Variants in PIN4 observed in about 807,000 individuals in gnomAD.
PIN4 encodes the protein peptidylprolyl cis/trans isomerase, NIMA-interacting 4, also known as peptidyl-prolyl cis-trans isomerase NIMA-interacting 4.
Under a neutral mutation model 8.3 loss-of-function variants are expected in PIN4, and 3 were observed. The observed-to-expected ratio is 0.36, with a 90% CI of 0.16 to 0.93. The LOEUF (loss-of-function observed/expected upper bound fraction) is 0.93, where lower values mean the gene tolerates loss of function less well. Among genes scored for constraint, PIN4 ranks in the 40% least tolerant of loss-of-function variants. The pLI is 0.44. For missense variants in PIN4, 75 were observed against 100.6 expected (o/e 0.75, Z 1.09); for synonymous variants, 18 against 32.5 (o/e 0.55, Z 1.52).
At chrX:72,236,203 C>T (rs780500363) in intron 3 of PIN4, among the ~76,000 whole-genome samples, 47 of 112,298 alleles carry the variant, frequency 4.2e-4, no homozygotes, top group African/African-American at 1.5e-3. Context: ...CCTGTAATCC[C>T]AGTGCTTTGG....
chrX:72,237,514 C>A lies in PIN4; in HGVS notation c.313-25193C>A, dbSNP rs1213351586. Among the ~76,000 whole-genome samples, 3 of 109,848 alleles carry A rather than the reference C, an allele frequency of 2.7e-5. No individual in the cohort carries two copies. The East Asian group carries it at 8.6e-4, about 31-fold the overall frequency. ...TCGGGAGGCTGAGGCAGGAGAATGG[C>A]GTGAACCCGGAAGGCGGAGCTTGCT... On this transcript the variant is annotated intron_variant, in intron 3 of 3. Transcript: ENST00000423432.
At chrX:72,263,226 A>G (rs2043146374) in exon 4 of PIN4, 1 of 114,266 alleles carries the variant, frequency 8.8e-6, no homozygotes, top group Admixed American at 9.2e-5. Flanking sequence ...ACCTTCCCAG[A>G]GGTTTCCCAG....
intron 3 of PIN4, among the ~76,000 whole-genome samples, chrX:72,219,574 G>T (rs1464501261): frequency 9.2e-6 from 1 of 108,696 alleles, no homozygotes; most frequent in Non-Finnish European, 1.9e-5. Context: ...TAGACTAGGC[G>T]TGATAGCTCA....
Position 72,198,189 on chromosome X carries a change from A to G in PIN4, c.*663A>G. ...AATGTCATTCCCTCATCTTCAGTGT[A>G]TGGGTTACATTAAGACTGTCCTTTC... On this transcript the variant is annotated 3_prime_UTR_variant, in exon 4 of 4. Coordinates refer to ENST00000373669, the MANE Select transcript of PIN4 (RefSeq NM_006223.4). 1 of 748,684 alleles carries G rather than the reference A, an allele frequency of 1.3e-6. No homozygotes were observed. Among genetic ancestry groups the G allele is most frequent in the Non-Finnish European group, 1.6e-6 (1 of 634,007 alleles). The allele number at this position is 748,684 out of a possible 1,213,427, so 61.7% of individuals were successfully genotyped here.
chrX:72,195,753 A>G (rs2042761582), intron 2 of PIN4, among the ~76,000 whole-genome samples: 1 of 111,901 alleles, frequency 8.9e-6, no homozygotes, highest in African/African-American at 3.3e-5. Context: ...TCACAATCCT[A>G]TGAGAACACA....
At chrX:72,256,516 G>A (rs2043111521) in intron 3 of PIN4, among the ~76,000 whole-genome samples, 1 of 111,199 alleles carries the variant, frequency 9.0e-6, no homozygotes, top group South Asian at 3.9e-4. Flanking sequence ...AAGCCTGAGG[G>A]CACCCTGCTT....
At chrX:72,219,984 G>A (rs1021457746) in intron 3 of PIN4, among the ~76,000 whole-genome samples, 2 of 111,558 alleles carry the variant, frequency 1.8e-5, no homozygotes, top group Non-Finnish European at 3.8e-5. Context: ...TAAGTACAAT[G>A]TTAGCTATGG....
chrX:72,253,778 A>C (rs971190522), intron 3 of PIN4, among the ~76,000 whole-genome samples: 11 of 109,462 alleles, frequency 1.0e-4, no homozygotes, highest in Admixed American at 9.8e-4. Context: ...CTACAAAAAA[A>C]AAAACAAAAG....
At chrX:72,247,775 C>T (rs1463190937) in intron 3 of PIN4, among the ~76,000 whole-genome samples, 6 of 112,495 alleles carry the variant, frequency 5.3e-5, no homozygotes, top group African/African-American at 1.9e-4. Context: ...GCCATCTGCT[C>T]AGAGCTTAAA....
At chrX:72,191,456 C>T (rs1013106700) in intron 2 of PIN4, among the ~76,000 whole-genome samples, 9 of 111,269 alleles carry the variant, frequency 8.1e-5, no homozygotes, top group African/African-American at 3.0e-4. Flanking sequence ...GAGGCTGAGG[C>T]AGGAGAATCA....
At chrX:72,213,508 T>G (rs1395084785) in intron 3 of PIN4, among the ~76,000 whole-genome samples, 1 of 111,983 alleles carries the variant, frequency 8.9e-6, no homozygotes, top group Non-Finnish European at 1.9e-5. Context: ...TGGTCTGTGT[T>G]TGTTACGGCT....
At chrX:72,204,599 A>G in intron 3 of PIN4, 1 of 116,736 alleles carries the variant, frequency 8.6e-6, no homozygotes, top group Non-Finnish European at 1.8e-5. Context: ...ATGAAACAGC[A>G]TGTTCACAAG....
chrX:72,189,560 A>G (rs886587086), intron 2 of PIN4, among the ~76,000 whole-genome samples: 2 of 112,130 alleles, frequency 1.8e-5, no homozygotes, highest in African/African-American at 6.5e-5. Context: ...ATTGCTAAAT[A>G]GTACCAGTTG....
Position 72,197,729 on chromosome X carries a change from G to T in PIN4, c.*203G>T, listed in dbSNP as rs887097938. The T allele has an allele frequency of 3.1e-6, 3 of 959,583 alleles. No homozygotes were observed. The African/African-American group carries it at 5.9e-5, about 19-fold the overall frequency. 79.1% of individuals were successfully genotyped at this position (959,583 alleles called of 1,213,427 possible). A position where few individuals can be genotyped will look rare whatever the true frequency, so the allele number is the denominator to read the frequency against. The stretch of plus-strand genomic sequence containing the variant: ...GCTAAGTGAATGTCAACTGTAGTAG[G>T]TATTCAGTCAGTCTTTCTCAAAGAG... On this transcript the variant is annotated 3_prime_UTR_variant, in exon 4 of 4. Coordinates refer to ENST00000373669, the MANE Select transcript of PIN4 (RefSeq NM_006223.4).
At chrX:72,225,109 T>A (rs925914003) in intron 3 of PIN4, among the ~76,000 whole-genome samples, 6 of 111,963 alleles carry the variant, frequency 5.4e-5, no homozygotes, top group African/African-American at 1.6e-4. Context: ...TACACCCTCC[T>A]ATTGCAAATT....
At chrX:72,263,642 C>A (rs987038681) in exon 4 of PIN4, 1 of 112,002 alleles carries the variant, frequency 8.9e-6, no homozygotes, top group East Asian at 2.8e-4. Context: ...TTGAAGAGAA[C>A]GTGACACACG....
intron 3 of PIN4, among the ~76,000 whole-genome samples, chrX:72,228,127 C>T (rs1417564303): frequency 4.5e-5 from 5 of 112,239 alleles, no homozygotes; most frequent in Admixed American, 2.9e-4. Context: ...TGTGAGGTCC[C>T]GTTCCAGCCA....
intron 2 of PIN4, among the ~76,000 whole-genome samples, chrX:72,194,613 A>T (rs1221430392): frequency 1.9e-5 from 2 of 106,030 alleles, no homozygotes; most frequent in African/African-American, 6.9e-5. Flanking sequence ...GAGGCAGGAG[A>T]CTCACTTGAA....
chrX:72,199,174 A>G (rs756332974), downstream of PIN4: 2 of 111,924 alleles, frequency 1.8e-5, no homozygotes, highest in South Asian at 7.5e-4. Flanking sequence ...CAGCCTCCCT[A>G]GTAGCTGGGA....
Sources: allele counts gnomAD v4.1 joint callset (sites outside exome capture counted in the v4.1 genomes callset), GRCh38; gene constraint gnomAD v4.1.1; transcripts MANE v1.5; gene names NCBI Gene and HGNC (gene_info 2026-07-23, HGNC 2026-07-21).